LOC128462377: variants seen among roughly 807,000 people sequenced by gnomAD.
chr16:89,359,701 T>C, the LOC128462377 span, among the ~76,000 whole-genome samples: 1 of 152,206 alleles, frequency 6.6e-6, no homozygotes, highest in African/African-American at 2.4e-5. Context: ...ACTGGGTAAC[T>C]GTACAAGAGG....
chr16:89,369,054 C>T, the LOC128462377 span, among the ~76,000 whole-genome samples: 2 of 152,104 alleles, frequency 1.3e-5, no homozygotes, highest in East Asian at 3.8e-4. Flanking sequence ...GGCACCCATT[C>T]CTCCACAGCA....
the LOC128462377 span, among the ~76,000 whole-genome samples, chr16:89,327,069 G>GAATGCAGAGGTTGGA: frequency 7.7e-5 from 3 of 38,962 alleles, no homozygotes; most frequent in Non-Finnish European, 1.7e-4. Context: ...CAGAGGTGGG[G>GAATGCAGAGGTTGGA]AATGCAGAGG....
At chr16:89,353,536 G>A in the LOC128462377 span, among the ~76,000 whole-genome samples, 3 of 151,662 alleles carry the variant, frequency 2.0e-5, no homozygotes, top group Non-Finnish European at 4.4e-5. Context: ...GGAGTACAGT[G>A]GTGCAATCTC....
the LOC128462377 span, among the ~76,000 whole-genome samples, chr16:89,405,155 T>C: frequency 3.3e-5 from 5 of 151,602 alleles, no homozygotes; most frequent in South Asian, 2.1e-4. Flanking sequence ...GATCACGCCA[T>C]TGCACTCCAG....
chr16:89,331,604 C>A, the LOC128462377 span, among the ~76,000 whole-genome samples: 1 of 151,988 alleles, frequency 6.6e-6, no homozygotes, highest in South Asian at 2.1e-4. Flanking sequence ...AGGCACCCAG[C>A]GATTCAGGAG....
the LOC128462377 span, among the ~76,000 whole-genome samples, chr16:89,417,529 A>T: frequency 6.6e-6 from 1 of 152,150 alleles, no homozygotes; most frequent in Non-Finnish European, 1.5e-5. Flanking sequence ...CCTCTCAAAA[A>T]ACATGCCAGT....
At chr16:89,352,966 T>A in the LOC128462377 span, among the ~76,000 whole-genome samples, 17 of 152,266 alleles carry the variant, frequency 1.1e-4, no homozygotes, top group African/African-American at 3.6e-4. Flanking sequence ...CAGAAAAGTT[T>A]ATGGAAAACA....
chr16:89,385,746 T>C, the LOC128462377 span, among the ~76,000 whole-genome samples: 2 of 152,272 alleles, frequency 1.3e-5, no homozygotes, highest in Admixed American at 1.3e-4. Flanking sequence ...CTTTCACGTC[T>C]GACGACAGAA....
the LOC128462377 span, among the ~76,000 whole-genome samples, chr16:89,380,266 C>T: frequency 8.8e-3 from 1,347 of 152,264 alleles, 13 homozygotes; most frequent in African/African-American, 0.026. Context: ...GCATGTGCCA[C>T]GACGCCTGGC....
chr16:89,340,270 T>C, the LOC128462377 span, among the ~76,000 whole-genome samples: 1,877 of 152,326 alleles, frequency 0.012, 36 homozygotes, highest in African/African-American at 0.043. Context: ...ATGTCTTCTG[T>C]TGTAATTTTT....
chr16:89,400,983 T>C, the LOC128462377 span, among the ~76,000 whole-genome samples: 5 of 152,166 alleles, frequency 3.3e-5, no homozygotes, highest in African/African-American at 9.7e-5. Flanking sequence ...CTGCCTGGCA[T>C]GGCACCCAAG....
chr16:89,323,109 C>A, the LOC128462377 span: 11 of 319,242 alleles, frequency 3.4e-5, no homozygotes, highest in Non-Finnish European at 4.3e-5. Flanking sequence ...CTGAGCCCTG[C>A]CGGCTGTTGT....
the LOC128462377 span, among the ~76,000 whole-genome samples, chr16:89,387,820 T>C: frequency 2.0e-5 from 3 of 148,790 alleles, no homozygotes; most frequent in African/African-American, 5.0e-5. Context: ...CTGGCCAACA[T>C]GGTGAAACCC....
the LOC128462377 span, among the ~76,000 whole-genome samples, chr16:89,369,647 G>C: frequency 6.6e-6 from 1 of 152,172 alleles, no homozygotes; most frequent in East Asian, 1.9e-4. Flanking sequence ...AACCAGGGGG[G>C]TCCTTGTGGT....
At chr16:89,339,413 G>C in the LOC128462377 span, among the ~76,000 whole-genome samples, 1 of 152,272 alleles carries the variant, frequency 6.6e-6, no homozygotes, top group East Asian at 1.9e-4. Flanking sequence ...AAGCTGGTCG[G>C]TAGCATCACA....
chr16:89,393,522 A>G, the LOC128462377 span, among the ~76,000 whole-genome samples: 7 of 147,338 alleles, frequency 4.8e-5, no homozygotes, highest in African/African-American at 1.8e-4. Context: ...TTTTTAATAA[A>G]TAGAGACGGG....
chr16:89,395,084 C>T, the LOC128462377 span, among the ~76,000 whole-genome samples: 1 of 152,182 alleles, frequency 6.6e-6, no homozygotes, highest in East Asian at 1.9e-4. Context: ...AATTATTAAA[C>T]CAAGTGACCA....
chr16:89,340,146 C>G, the LOC128462377 span, among the ~76,000 whole-genome samples: 1 of 152,206 alleles, frequency 6.6e-6, no homozygotes, highest in South Asian at 2.1e-4. Flanking sequence ...AAGTTTATAA[C>G]TAGAAATGGA....
the LOC128462377 span, among the ~76,000 whole-genome samples, chr16:89,375,158 T>C: frequency 6.6e-6 from 1 of 152,082 alleles, no homozygotes; most frequent in African/African-American, 2.4e-5. Context: ...CACGCTGTAA[T>C]GATCTCACAG....
Sources: allele counts gnomAD v4.1 joint callset (sites outside exome capture counted in the v4.1 genomes callset), GRCh38; gene constraint gnomAD v4.1.1; transcripts MANE v1.5.